Variants in CATSPER3 observed in about 807,000 individuals in gnomAD.
CATSPER3 encodes cation channel sperm-associated protein 3.
In CATSPER3, 23 loss-of-function variants were observed where a neutral mutation model predicts 36.6. That is an observed-to-expected ratio of 0.63 (90% confidence interval 0.45 to 0.89). CATSPER3 has a LOEUF of 0.89. CATSPER3 is among the 40% of genes least tolerant of loss of function. The probability of loss-of-function intolerance (pLI) is 0.00; values close to 1 mark genes in which losing one functional copy is unlikely to be tolerated. For missense variants in CATSPER3, 474 were observed against 503.9 expected (o/e 0.94, Z 0.57); for synonymous variants, 172 against 184.1 (o/e 0.93, Z 0.53).
At chr5:134,978,274 T>C (rs865789612) in intron 2 of CATSPER3, among the ~76,000 whole-genome samples, 3 of 152,318 alleles carry the variant, frequency 2.0e-5, no homozygotes, top group Middle Eastern at 3.4e-3. Flanking sequence ...ATATGCGTTG[T>C]ATACTTCAAA....
chr5:134,977,568 C>G (rs1017453182), intron 2 of CATSPER3, among the ~76,000 whole-genome samples: 2 of 152,200 alleles, frequency 1.3e-5, no homozygotes, highest in South Asian at 2.1e-4. Flanking sequence ...TTTAACCAGT[C>G]TCTAAGAGGT....
At chr5:134,980,726 G>A (rs1045514682) in intron 2 of CATSPER3, among the ~76,000 whole-genome samples, 3 of 151,756 alleles carry the variant, frequency 2.0e-5, no homozygotes, top group African/African-American at 7.3e-5. Flanking sequence ...ACCACGCCTG[G>A]CCCCTTTCCT....
At position 134,996,286 on chromosome 5, in the gene CATSPER3, T is replaced by C. The variant is rs1751944694; in HGVS notation, c.266T>C (p.Phe89Ser). 3 of 1,614,254 alleles carry C rather than the reference T, an allele frequency of 1.9e-6. No homozygotes were observed. Among genetic ancestry groups the C allele is most frequent in the Non-Finnish European group, 2.5e-6 (3 of 1,180,040 alleles). Residue 89 changes from phenylalanine to serine, a missense_variant, in exon 3 of 8, where the codon TTC (phenylalanine) becomes TCC (serine). Coordinates refer to ENST00000282611, the MANE Select transcript of CATSPER3 (RefSeq NM_178019.3). The part of the protein sequence containing the change: ...LFRLLEFSEI[F>S]FVSICTSELS... ...CTACCCCTGTAGTTCTCGGAGATCT[T>C]CTTTGTGTCCATCTGCACATCTGAG...
At chr5:134,973,818 T>C (rs967105144) in intron 2 of CATSPER3, among the ~76,000 whole-genome samples, 5 of 152,144 alleles carry the variant, frequency 3.3e-5, no homozygotes, top group African/African-American at 1.2e-4. Context: ...CACCAAATAA[T>C]CTATGAGGTT....
At position 134,971,870 on chromosome 5, in the gene CATSPER3, A is replaced by G. The variant is rs566860769; in HGVS notation, c.252+1778A>G. ...GAGGAACCAGGATACCTCAAAAATCAAGCTACTGCGTTTTTAAACACAACA... is the reference window on the plus strand; with the variant it reads ...GAGGAACCAGGATACCTCAAAAATCGAGCTACTGCGTTTTTAAACACAACA... On this transcript the variant is annotated intron_variant, in intron 2 of 7. Coordinates refer to ENST00000282611, the MANE Select transcript of CATSPER3 (RefSeq NM_178019.3). Among the ~76,000 whole-genome samples, 39 of 152,338 alleles carry G rather than the reference A, an allele frequency of 2.6e-4. 1 individual carries two copies. In the South Asian group the frequency reaches 7.9e-3, roughly 31 times the overall value.
intron 2 of CATSPER3, among the ~76,000 whole-genome samples, chr5:134,993,141 A>C (rs902249449): frequency 3.3e-5 from 5 of 152,246 alleles, no homozygotes; most frequent in Non-Finnish European, 5.9e-5. Context: ...TCTGCATTCT[A>C]TTCCACGTGC....
chr5:134,975,710 A>T (rs981081964), intron 2 of CATSPER3, among the ~76,000 whole-genome samples: 1 of 152,262 alleles, frequency 6.6e-6, no homozygotes, highest in Non-Finnish European at 1.5e-5. Flanking sequence ...TGTTATGGAC[A>T]ACATTATGGA....
chr5:134,999,517 G>A (rs1282334881), intron 3 of CATSPER3, among the ~76,000 whole-genome samples: 9 of 152,110 alleles, frequency 5.9e-5, no homozygotes, highest in Non-Finnish European at 1.2e-4. Context: ...CCATTTTCAC[G>A]ATATTGATTC....
At chr5:135,008,726 G>T in intron 4 of CATSPER3, 115 bp from the exon 5 acceptor site, 1 of 853,560 alleles carries the variant, frequency 1.2e-6, no homozygotes, top group Non-Finnish European at 2.0e-6. Context: ...AGGGGATGAC[G>T]TGGAAGCGGA....
intron 2 of CATSPER3, among the ~76,000 whole-genome samples, chr5:134,988,419 A>G (rs1580907835): frequency 6.6e-6 from 1 of 152,342 alleles, no homozygotes; most frequent in Non-Finnish European, 1.5e-5. Context: ...TTGAAATATT[A>G]CCCACAGTAG....
intron 2 of CATSPER3, among the ~76,000 whole-genome samples, chr5:134,995,333 T>C (rs969632933): frequency 3.9e-5 from 6 of 152,020 alleles, no homozygotes; most frequent in African/African-American, 1.4e-4. Context: ...TCTATCTTCA[T>C]GAGATCCACT....
Position 134,995,226 on chromosome 5 carries a change from A to G in CATSPER3, c.253-1047A>G, listed in dbSNP as rs138489216. On this transcript the variant is annotated intron_variant, in intron 2 of 7. Transcript: ENST00000282611. ...TAGTCACTTCACTGATCTATTGAAC[A>G]TTAGGTCTTATTTCTTCTCGGTGTG... is the stretch of plus-strand genomic sequence containing the variant. Among the ~76,000 whole-genome samples, 652 of 152,168 alleles carry G rather than the reference A, an allele frequency of 4.3e-3. 5 individuals are homozygous for G. The highest frequency in any genetic ancestry group is 0.015 in the African/African-American group (630 of 41,516).
intron 3 of CATSPER3, among the ~76,000 whole-genome samples, chr5:135,004,018 C>T (rs938195176): frequency 6.6e-6 from 1 of 152,234 alleles, no homozygotes; most frequent in Non-Finnish European, 1.5e-5. Flanking sequence ...GTTGGAAATG[C>T]AGAAATTACC....
intron 3 of CATSPER3, among the ~76,000 whole-genome samples, chr5:135,006,671 T>TA (rs1212180015): frequency 6.6e-6 from 1 of 151,332 alleles, no homozygotes; most frequent in African/African-American, 2.4e-5. Flanking sequence ...TCATCTCTAC[T>TA]AAAAATACAA....
chr5:134,985,057 G>C (rs1751792960), intron 2 of CATSPER3, among the ~76,000 whole-genome samples: 1 of 152,288 alleles, frequency 6.6e-6, no homozygotes, highest in South Asian at 2.1e-4. Flanking sequence ...GGCCTTGAGT[G>C]ATCTGCCCAC....
At chr5:134,976,535 T>C (rs1440825510) in intron 2 of CATSPER3, among the ~76,000 whole-genome samples, 1 of 152,230 alleles carries the variant, frequency 6.6e-6, no homozygotes, top group Non-Finnish European at 1.5e-5. Flanking sequence ...TACTTGCAGC[T>C]TTTCTAGGCT....
chr5:134,996,232 G>T, intron 2 of CATSPER3, 41 bp from the exon 3 acceptor site: 1 of 1,613,968 alleles, frequency 6.2e-7, no homozygotes, highest in Non-Finnish European at 8.5e-7. Context: ...CTAGGGCTGT[G>T]CAGCTCGATC....
At chr5:134,987,614 G>A (rs567937584) in intron 2 of CATSPER3, among the ~76,000 whole-genome samples, 5 of 152,068 alleles carry the variant, frequency 3.3e-5, no homozygotes, top group Admixed American at 2.0e-4. Context: ...TATACACCAC[G>A]ATCAAGTGGG....
chr5:135,002,242 GA>G (rs1344507520), intron 3 of CATSPER3, among the ~76,000 whole-genome samples: 2 of 152,198 alleles, frequency 1.3e-5, no homozygotes, highest in African/African-American at 4.8e-5. Flanking sequence ...GGCTGGATAT[GA>G]AATTCTGGGT....
Sources: gnomAD v4.1 joint callset for allele counts (sites outside exome capture counted in the v4.1 genomes callset) on GRCh38, gnomAD v4.1.1 for gene constraint, MANE v1.5 for transcripts, NCBI Gene and HGNC (gene_info 2026-07-23, HGNC 2026-07-21) for gene names.